Variants in PRKN observed in about 807,000 individuals in gnomAD.
The protein encoded by PRKN is parkin RBR E3 ubiquitin protein ligase, also known as E3 ubiquitin-protein ligase parkin.
A neutral mutation model predicts 59.5 loss-of-function variants in PRKN; 56 were observed. That is an observed-to-expected ratio of 0.94 (90% CI 0.76 to 1.18). PRKN has a LOEUF of 1.18. PRKN is among the 50% of genes most tolerant of loss of function. The pLI is 0.00. For missense variants in PRKN, 657 were observed against 596.4 expected (o/e 1.10, Z -1.06); for synonymous variants, 250 against 222.1 (o/e 1.13, Z -1.12).
intron 6 of PRKN, among the ~76,000 whole-genome samples, chr6:161,960,741 C>T (rs550698080): frequency 6.6e-6 from 1 of 152,160 alleles, no homozygotes; most frequent in Non-Finnish European, 1.5e-5. Flanking sequence ...ATCTGTCTTG[C>T]TTTGTTAGAA....
At chr6:162,541,344 T>C (rs767459356) in intron 1 of PRKN, among the ~76,000 whole-genome samples, 20 of 152,154 alleles carry the variant, frequency 1.3e-4, no homozygotes, top group Non-Finnish European at 2.4e-4. Flanking sequence ...GCATGCATCA[T>C]GCAGATAACT....
At chr6:162,721,260 AC>A (rs1317954202) in intron 1 of PRKN, among the ~76,000 whole-genome samples, 1 of 152,250 alleles carries the variant, frequency 6.6e-6, no homozygotes, top group Non-Finnish European at 1.5e-5. Context: ...TCTAAGAAGT[AC>A]AATGAAGGTC....
intron 7 of PRKN, among the ~76,000 whole-genome samples, chr6:161,653,222 G>C (rs1784214082): frequency 6.6e-6 from 1 of 152,112 alleles, no homozygotes; most frequent in African/African-American, 2.4e-5. Flanking sequence ...AAAATAGCTG[G>C]GCGTGGTGGC....
intron 1 of PRKN, among the ~76,000 whole-genome samples, chr6:162,460,029 G>T (rs140680849): frequency 2.0e-5 from 3 of 152,246 alleles, no homozygotes; most frequent in Non-Finnish European, 4.4e-5. Flanking sequence ...ATACTTGATA[G>T]AAATGAAAAA....
intron 1 of PRKN, among the ~76,000 whole-genome samples, chr6:162,633,589 A>T (rs1408152250): frequency 2.6e-5 from 4 of 152,140 alleles, no homozygotes; most frequent in African/African-American, 7.2e-5. Flanking sequence ...TTGAGAAATC[A>T]TGTGAATTCA....
intron 2 of PRKN, among the ~76,000 whole-genome samples, chr6:162,346,006 G>T (rs1248527275): frequency 1.3e-5 from 2 of 152,104 alleles, no homozygotes; most frequent in Non-Finnish European, 2.9e-5. Context: ...ATCTTAGCTG[G>T]CATGCTCTTG....
chr6:162,323,204 G>A (rs987308339), intron 2 of PRKN, among the ~76,000 whole-genome samples: 13 of 151,496 alleles, frequency 8.6e-5, no homozygotes, highest in Non-Finnish European at 1.8e-4. Context: ...ATGTGCACAT[G>A]TACCCTAAAA....
At chr6:161,825,711 G>C (rs1337160451) in intron 6 of PRKN, among the ~76,000 whole-genome samples, 2 of 152,170 alleles carry the variant, frequency 1.3e-5, no homozygotes, top group Non-Finnish European at 2.9e-5. Context: ...AAATGCGAGG[G>C]TGTCTGCTCC....
At chr6:161,586,704 G>C (rs1781534834) in intron 7 of PRKN, among the ~76,000 whole-genome samples, 1 of 152,136 alleles carries the variant, frequency 6.6e-6, no homozygotes, top group Non-Finnish European at 1.5e-5. Flanking sequence ...AGATATTAAA[G>C]AACGGAAGCC....
rs79751689 is a variant in PRKN, at chr6:162,490,546, C to T, written c.8-47073G>A. ...TTTTTCCCATAGTTTCCTGTAATCC[C>T]TTTAAGACTCTAAACAAAGTATTCT... On this transcript the variant is annotated intron_variant, in intron 1 of 11. Transcript: ENST00000366898. Among the ~76,000 whole-genome samples, 755 of 152,246 alleles carry T rather than the reference C, an allele frequency of 5.0e-3. 7 individuals carry two copies. Among genetic ancestry groups the T allele is most frequent in the African/African-American group, 0.018 (731 of 41,556 alleles).
intron 1 of PRKN, among the ~76,000 whole-genome samples, chr6:162,617,816 A>G (rs2128220121): frequency 6.6e-6 from 1 of 152,290 alleles, no homozygotes; most frequent in East Asian, 1.9e-4. Context: ...ACTAACAAGT[A>G]ATAGTACTAC....
At chr6:161,694,810 C>G (rs1213313142) in intron 7 of PRKN, among the ~76,000 whole-genome samples, 2 of 152,158 alleles carry the variant, frequency 1.3e-5, no homozygotes, top group African/African-American at 4.8e-5. Flanking sequence ...AGGAAGAATT[C>G]TCAGCTGAGT....
At chr6:162,450,572 G>T (rs926049651) in intron 1 of PRKN, among the ~76,000 whole-genome samples, 2 of 152,192 alleles carry the variant, frequency 1.3e-5, no homozygotes, top group Non-Finnish European at 2.9e-5. Context: ...CCTTGACACA[G>T]TGTGATGCAA....
rs1583189167 is a variant in PRKN, at chr6:162,200,754, C to G, written c.534+377G>C. Among the ~76,000 whole-genome samples, 4 of 152,304 alleles carry G rather than the reference C, an allele frequency of 2.6e-5. 1 individual carries two copies. The highest frequency in any genetic ancestry group is 5.9e-5 in the Non-Finnish European group (4 of 68,028). The stretch of plus-strand genomic sequence containing the variant: ...AGTGAATGTTGACTTTTGTATATAA[C>G]CATGCTACCATCACACAGATCAAGA... On this transcript the variant is annotated intron_variant, in intron 4 of 11. Transcript: ENST00000366898.
At chr6:161,950,000 T>C (rs1779927997) in intron 6 of PRKN, among the ~76,000 whole-genome samples, 2 of 152,204 alleles carry the variant, frequency 1.3e-5, no homozygotes, top group Admixed American at 1.3e-4. Flanking sequence ...GGGAAACAGT[T>C]ACAGGTAACT....
chr6:161,349,079 G>A lies in PRKN; in HGVS notation c.*1020C>T, dbSNP rs563261042. 3.6e-5 allele frequency: 8 copies of A among 220,942 alleles called. No individual in the cohort carries two copies. Among genetic ancestry groups the A allele is most frequent in the South Asian group, 1.8e-4 (1 of 5,438 alleles). 13.7% of individuals were successfully genotyped at this position (220,942 alleles called of 1,614,324 possible). A position where few individuals can be genotyped will look rare whatever the true frequency, so the allele number is the denominator to read the frequency against. The stretch of plus-strand genomic sequence containing the variant: ...ATAAACCCTTCTGATGGAGAGAGTC[G>A]GGCGTGTCTTCATTTTGGTAGTTCT... On this transcript the variant is annotated 3_prime_UTR_variant, in exon 12 of 12. Coordinates refer to ENST00000366898, the MANE Select transcript of PRKN (RefSeq NM_004562.3). The surrounding 1 kb of genome is among the most constrained non-coding windows in gnomAD (Gnocchi z 5.5).
At chr6:162,511,262 T>C (rs1777604386) in intron 1 of PRKN, among the ~76,000 whole-genome samples, 1 of 152,154 alleles carries the variant, frequency 6.6e-6, no homozygotes, top group African/African-American at 2.4e-5. Flanking sequence ...CTAATTGTGT[T>C]TGTAGCACTT....
At chr6:162,516,856 T>C (rs1777884608) in intron 1 of PRKN, among the ~76,000 whole-genome samples, 1 of 152,150 alleles carries the variant, frequency 6.6e-6, no homozygotes, top group Non-Finnish European at 1.5e-5. Flanking sequence ...ATTTATTTGA[T>C]GCCTACTATA....
At position 161,391,257 on chromosome 6, in the gene PRKN, C is replaced by T. The variant is rs1390855051; in HGVS notation, c.1084-4380G>A. On this transcript the variant is annotated intron_variant, in intron 9 of 11. Coordinates refer to ENST00000366898, the MANE Select transcript of PRKN (RefSeq NM_004562.3). This position sits in a 1 kb window ranked among gnomAD's most constrained non-coding sequence, Gnocchi z 4.9. ...GGATTTGCTATTACTTAAAAATGGTCTTACATTTGCTGAGGCTCCCTTAAG... is the reference window on the plus strand; with the variant it reads ...GGATTTGCTATTACTTAAAAATGGTTTTACATTTGCTGAGGCTCCCTTAAG... Among the ~76,000 whole-genome samples, 1 of 152,064 alleles carries T rather than the reference C, an allele frequency of 6.6e-6. No individual in the cohort carries two copies. The highest frequency in any genetic ancestry group is 1.5e-5 in the Non-Finnish European group (1 of 68,022).
Sources: allele counts gnomAD v4.1 joint callset (sites outside exome capture counted in the v4.1 genomes callset), GRCh38; gene constraint gnomAD v4.1.1; non-coding constraint Gnocchi (gnomAD v3.1); transcripts MANE v1.5; gene names NCBI Gene and HGNC (gene_info 2026-07-23, HGNC 2026-07-21).